Variants in ICAM5 observed in about 807,000 individuals in gnomAD.
ICAM5 encodes intercellular adhesion molecule 5, also known as ICAM-5.
In ICAM5, 38 loss-of-function variants were observed where a neutral mutation model predicts 78.8. That is an observed-to-expected ratio of 0.48 (90% CI 0.37 to 0.63). ICAM5 has a LOEUF of 0.63. Ranked by LOEUF, ICAM5 falls within the 30% of genes least tolerant of loss-of-function variation. ICAM5 has a pLI of 0.00. For synonymous variants in ICAM5, 544 were observed against 590.9 expected (o/e 0.92, Z 1.15); for missense variants, 1,059 against 1,303.0 (o/e 0.81, Z 2.88).
In ICAM5 at chr19:10,296,558, GC is replaced by G; in HGVS notation, c.2718del (p.Ala907ArgfsTer15). ...GAGGGCGGACCCGAGGCGGCGGGGGGCGCGGCCGAGTCGCCGGCGGAGGGCG... is the reference window on the plus strand; with the variant it reads ...GAGGGCGGACCCGAGGCGGCGGGGGGGCGGCCGAGTCGCCGGCGGAGGGCG... The part of the protein sequence containing the change: ...GAEGGPEAAG[G>X]AAESPAEGEV... On this transcript the variant is annotated frameshift_variant, in exon 11 of 11. Transcript: ENST00000221980. LOFTEE classifies it high-confidence loss of function. 1 of 1,219,470 alleles carries G rather than the reference GC, an allele frequency of 8.2e-7. No homozygotes were observed. Among genetic ancestry groups the G allele is most frequent in the East Asian group, 3.4e-5 (1 of 29,566 alleles). 75.5% of individuals were successfully genotyped at this position (1,219,470 alleles called of 1,614,324 possible). A position where few individuals can be genotyped will look rare whatever the true frequency, so the allele number is the denominator to read the frequency against.
chr19:10,296,572 C>T lies in ICAM5; in HGVS notation c.2731C>T (p.Pro911Ser). Reference protein sequence around the residue: ...PEAAGGAAESPAEGEVFAIQL... With the variant: ...PEAAGGAAESSAEGEVFAIQL... ...GGCGGCGGGGGGCGCGGCCGAGTCG[C>T]CGGCGGAGGGCGAGGTCTTCGCCAT... Residue 911 changes from proline (P) to serine (S), a missense_variant, in exon 11 of 11, where the codon CCG becomes TCG. Pro to Ser is a moderately conservative substitution (Grantham distance 74). Around this residue, in one of 3 missense-constraint regions of ICAM5, gnomAD observed 109 missense variants for 120.0 expected, o/e 0.91. Coordinates refer to ENST00000221980, the MANE Select transcript of ICAM5 (RefSeq NM_003259.4). 1.6e-6 allele frequency: 2 copies of T among 1,219,296 alleles called. No homozygotes were observed. The highest frequency in any genetic ancestry group is 2.1e-6 in the Non-Finnish European group (2 of 972,878). The allele number at this position is 1,219,296 out of a possible 1,614,324, so 75.5% of individuals were successfully genotyped here. A position where few individuals can be genotyped will look rare whatever the true frequency, so the allele number is the denominator to read the frequency against.
chr19:10,291,885 T>A, intron 3 of ICAM5, 76 bp downstream of exon 3: 1 of 1,521,722 alleles, frequency 6.6e-7, no homozygotes, highest in Non-Finnish European at 9.0e-7. Context: ...TAGATACATC[T>A]GAATGCTGAC....
Position 10,296,485 on chromosome 19 carries a change from G to C in ICAM5, c.2644G>C (p.Val882Leu), listed in dbSNP as rs1258819000. ...GGAGGCCGAGAGCTCAGGCGAGGCC[G>C]TGTGTCTGAACGGAGCGGGCGGCGG... Reference protein sequence around the residue: ...VQEAESSGEAVCLNGAGGGAG... With the variant: ...VQEAESSGEALCLNGAGGGAG... Residue 882 changes from valine to leucine, a missense_variant, in exon 11 of 11, where the codon GTG becomes CTG. Around this residue, in one of 3 missense-constraint regions of ICAM5, gnomAD observed 109 missense variants for 120.0 expected, o/e 0.91. Transcript: ENST00000221980. 4.7e-6 allele frequency: 6 copies of C among 1,284,102 alleles called. No homozygotes were observed. The highest frequency in any genetic ancestry group is 6.0e-6 in the Non-Finnish European group (6 of 997,424). The allele number at this position is 1,284,102 out of a possible 1,614,324, so 79.5% of individuals were successfully genotyped here. A position where few individuals can be genotyped will look rare whatever the true frequency, so the allele number is the denominator to read the frequency against.
chr19:10,296,608 T>C lies in ICAM5; in HGVS notation c.2767T>C (p.Ser923Pro), dbSNP rs2040222878. The C allele has an allele frequency of 8.3e-7, 1 of 1,211,706 alleles. No homozygotes were observed. Among genetic ancestry groups the C allele is most frequent in the Non-Finnish European group, 1.0e-6 (1 of 970,392 alleles). The allele number at this position is 1,211,706 out of a possible 1,614,324, so 75.1% of individuals were successfully genotyped here. The change falls in exon 11 of 11, where the codon TCG becomes CCG. Residue 923 changes from serine (S) to proline (P), a missense_variant. Ser to Pro is a moderately conservative substitution (Grantham distance 74). Coordinates refer to ENST00000221980, the MANE Select transcript of ICAM5 (RefSeq NM_003259.4). ...CGAGGTCTTCGCCATACAGCTGACA[T>C]CGGCGTGAGCCCGCTCCCCTCTCCC... ...EGEVFAIQLT[S>P]A
chr19:10,290,368 C>A lies in ICAM5; in HGVS notation c.82+243C>A. 2.2e-6 allele frequency: 1 copy of A among 464,186 alleles called. No homozygotes were observed. Among genetic ancestry groups the A allele is most frequent in the Non-Finnish European group, 3.8e-6 (1 of 261,790 alleles). The allele number at this position is 464,186 out of a possible 1,614,324, so 28.8% of individuals were successfully genotyped here. ...AGGTGTTCTTCCGCACCCAACCCTT[C>A]GCCCTGGAGACCCAGTGTCTCTCCT... On this transcript the variant is annotated intron_variant, in intron 1 of 10. Coordinates refer to ENST00000221980, the MANE Select transcript of ICAM5 (RefSeq NM_003259.4). The surrounding 1 kb of genome is among the most constrained non-coding windows in gnomAD (Gnocchi z 5.7).
Position 10,294,540 on chromosome 19 carries a change from T to A in ICAM5, c.2130T>A (p.Pro710=), listed in dbSNP as rs2040205115. ...VRCSREGIPW[P]EQQRVSREDA... Reference sequence around the variant, plus strand: ...GCTCTCGGGAAGGCATCCCATGGCCTGAGCAGCAGCGCGTGTCCCGAGAGG... The same window carrying A: ...GCTCTCGGGAAGGCATCCCATGGCCAGAGCAGCAGCGCGTGTCCCGAGAGG... The change falls in exon 9 of 11, where the codon CCT becomes CCA. Residue 710 remains proline (P), a synonymous_variant. Coordinates refer to ENST00000221980, the MANE Select transcript of ICAM5 (RefSeq NM_003259.4). The surrounding 1 kb of genome is among the most constrained non-coding windows in gnomAD (Gnocchi z 7.7). 6.2e-7 allele frequency: 1 copy of A among 1,607,908 alleles called. No homozygotes were observed. Among genetic ancestry groups the A allele is most frequent in the South Asian group, 1.1e-5 (1 of 90,008 alleles).
rs115870389 is a variant in ICAM5 at position 10,291,754 on chromosome 19, G to T, written c.618G>T (p.Pro206=). Residue 206 remains proline (P), a synonymous_variant, in exon 3 of 11, where the codon CCG becomes CCT. Coordinates refer to ENST00000221980, the MANE Select transcript of ICAM5 (RefSeq NM_003259.4). ...GTCGCGCCGAGCTGGACCTGCGGCC[G>T]CACGGACTGGGACTGTTTGAAAACA... ...FSCRAELDLR[P]HGLGLFENSS... is the part of the protein sequence containing the mutation. 0.04 allele frequency: 64,752 copies of T among 1,612,778 alleles called. 1,498 individuals are homozygous for T. The highest frequency in any genetic ancestry group is 0.043 in the Non-Finnish European group (51,077 of 1,179,980).
chr19:10,293,308 C>T lies in ICAM5; in HGVS notation c.1465+62C>T. ...TCAAGGTCTGGAGGGTGGCCAGCCT[C>T]CAGGGAAGAGTAGGAGTAGGGTATG... On this transcript the variant is annotated intron_variant, in intron 6 of 10. Coordinates refer to ENST00000221980, the MANE Select transcript of ICAM5 (RefSeq NM_003259.4). This position sits in a 1 kb window ranked among gnomAD's most constrained non-coding sequence, Gnocchi z 5.0. The T allele has an allele frequency of 6.6e-7, 1 of 1,519,802 alleles. No homozygotes were observed. Among genetic ancestry groups the T allele is most frequent in the South Asian group, 1.3e-5 (1 of 76,992 alleles). The allele number at this position is 1,519,802 out of a possible 1,614,324, so 94.1% of individuals were successfully genotyped here. A position where few individuals can be genotyped will look rare whatever the true frequency, so the allele number is the denominator to read the frequency against.
In ICAM5 at chr19:10,292,095, G is replaced by A. The variant is rs1282263075; in HGVS notation, c.734G>A (p.Arg245Lys). The A allele has an allele frequency of 1.9e-6, 3 of 1,613,232 alleles. No individual in the cohort carries two copies. Among genetic ancestry groups the A allele is most frequent in the Non-Finnish European group, 2.5e-6 (3 of 1,179,880 alleles). The change falls in exon 4 of 11, where the codon AGG becomes AAG. Residue 245 changes from arginine (R) to lysine (K), a missense_variant. By Grantham distance (26) the Arg-to-Lys change is conservative (BLOSUM62 2). Coordinates refer to ENST00000221980, the MANE Select transcript of ICAM5 (RefSeq NM_003259.4). ...APRLLEVGSE[R>K]PVSCTLDGLF... Reference sequence around the variant, plus strand: ...CGGCTCTTGGAAGTTGGCTCGGAAAGGCCCGTGAGCTGCACTCTGGACGGA... The same window carrying A: ...CGGCTCTTGGAAGTTGGCTCGGAAAAGCCCGTGAGCTGCACTCTGGACGGA...
chr19:10,291,241 G>A lies in ICAM5; in HGVS notation c.252G>A (p.Ala84=), dbSNP rs756477605. 1 of 1,612,360 alleles carries A rather than the reference G, an allele frequency of 6.2e-7. No individual in the cohort carries two copies. Among genetic ancestry groups the A allele is most frequent in the Non-Finnish European group, 8.5e-7 (1 of 1,179,910 alleles). ...NGTQRGLRWL[A]RQLVDIREPE... The stretch of plus-strand genomic sequence containing the variant: ...CCCAGAGGGGTTTGCGTTGGTTGGC[G>A]CGGCAGCTGGTGGACATTCGCGAGC... The change falls in exon 2 of 11, where the codon GCG becomes GCA. Residue 84 remains alanine, a synonymous_variant. Transcript: ENST00000221980.
At chr19:10,295,647 T>C (rs1420171072) in intron 10 of ICAM5, 35 bp downstream of exon 10, 1 of 1,522,184 alleles carries the variant, frequency 6.6e-7, no homozygotes, top group Non-Finnish European at 8.8e-7. Flanking sequence ...GGGCGAGGTA[T>C]CTGAGAGGGG....
Position 10,294,172 on chromosome 19 carries a change from C to G in ICAM5, c.1844C>G (p.Thr615Ser). The G allele has an allele frequency of 6.2e-7, 1 of 1,613,608 alleles. No individual in the cohort carries two copies. Among genetic ancestry groups the G allele is most frequent in the Non-Finnish European group, 8.5e-7 (1 of 1,179,908 alleles). The change falls in exon 8 of 11, where the codon ACT (threonine) becomes AGT (serine). Residue 615 changes from threonine (T) to serine (S), a missense_variant. Around this residue, in one of 3 missense-constraint regions of ICAM5, gnomAD observed 815 missense variants for 952.8 expected, o/e 0.86. Transcript: ENST00000221980. The surrounding 1 kb of genome is among the most constrained non-coding windows in gnomAD (Gnocchi z 7.7). ...AAGTGCGTGGGCTCCGGGGGCGCCA[C>G]TGAGGGGGTGCTGCTGCCGCTGGCA... Reference protein sequence around the residue: ...SVKCVGSGGATEGVLLPLAPP... With the variant: ...SVKCVGSGGASEGVLLPLAPP...
At chr19:10,291,011 T>C in intron 1 of ICAM5, 61 bp from the exon 2 acceptor site, 3 of 1,533,858 alleles carry the variant, frequency 2.0e-6, no homozygotes, top group Non-Finnish European at 2.6e-6. Context: ...TGACTCGACA[T>C]AGGGGCGCTA....
rs1196382197 is a variant in ICAM5 at position 10,294,283 on chromosome 19, G to C, written c.1955G>C (p.Gly652Ala). 6.2e-7 allele frequency: 1 copy of C among 1,613,432 alleles called. No individual in the cohort carries two copies. The highest frequency in any genetic ancestry group is 2.2e-5 in the East Asian group (1 of 44,872). ...GTCTGCAACGCCACCAACCGCCACG[G>C]CTCCGTGGCCAAAACAGTCGTCGTG... ...IYVCNATNRH[G>A]SVAKTVVVSA... Residue 652 changes from glycine to alanine, a missense_variant, in exon 8 of 11, where the codon GGC becomes GCC. This residue lies in a region of ICAM5 where 815 missense variants were observed against 952.8 expected (regional missense o/e 0.86). Transcript: ENST00000221980. The surrounding 1 kb of genome is among the most constrained non-coding windows in gnomAD (Gnocchi z 7.7).
Position 10,294,292 on chromosome 19 carries a change from C to G in ICAM5, c.1964C>G (p.Ala655Gly). The change falls in exon 8 of 11, where the codon GCC becomes GGC. Residue 655 changes from alanine (A) to glycine (G), a missense_variant. By Grantham distance (60) the Ala-to-Gly change is moderately conservative. Transcript: ENST00000221980. The surrounding 1 kb of genome is among the most constrained non-coding windows in gnomAD (Gnocchi z 7.7). The part of the protein sequence containing the change: ...CNATNRHGSV[A>G]KTVVVSAESP... The stretch of plus-strand genomic sequence containing the variant: ...GCCACCAACCGCCACGGCTCCGTGG[C>G]CAAAACAGTCGTCGTGAGCGCGGAG... 1 of 1,613,166 alleles carries G rather than the reference C, an allele frequency of 6.2e-7. No homozygotes were observed. The highest frequency in any genetic ancestry group is 1.1e-5 in the South Asian group (1 of 91,036).
chr19:10,291,539 G>C lies in ICAM5; in HGVS notation c.403G>C (p.Gly135Arg), dbSNP rs769545435. The C allele has an allele frequency of 1.7e-5, 27 of 1,612,492 alleles. No individual in the cohort carries two copies. Reference protein sequence around the residue: ...LMPLPPWQPVGENFTLSCRVP... With the variant: ...LMPLPPWQPVRENFTLSCRVP... ...GCCGCTGCCTCCCTGGCAGCCGGTG[G>C]GCGAGAACTTCACCCTGAGCTGTAG... Residue 135 changes from glycine (G) to arginine (R), a missense_variant, in exon 3 of 11, where the codon GGC becomes CGC. By Grantham distance (125) the Gly-to-Arg change is moderately radical. Coordinates refer to ENST00000221980, the MANE Select transcript of ICAM5 (RefSeq NM_003259.4).
At position 10,294,076 on chromosome 19, in the gene ICAM5, A is replaced by G. The variant is rs2040199953; in HGVS notation, c.1748A>G (p.Asn583Ser). 1 of 1,585,582 alleles carries G rather than the reference A, an allele frequency of 6.3e-7. No individual in the cohort carries two copies. The highest frequency in any genetic ancestry group is 8.6e-7 in the Non-Finnish European group (1 of 1,164,574). ...TTTGAGGAGCCGAGCTGCCCCAGCA[A>G]TTGGACATGGGTGGAAGGATCTGGG... ...PRFEEPSCPS[N>S]WTWVEGSGRL... The change falls in exon 8 of 11, where the codon AAT becomes AGT. Residue 583 changes from asparagine (N) to serine (S), a missense_variant. Physicochemically the swap from Asn to Ser is conservative, Grantham distance 46. This residue lies in a region of ICAM5 where 815 missense variants were observed against 952.8 expected (regional missense o/e 0.86). Transcript: ENST00000221980. The surrounding 1 kb of genome is among the most constrained non-coding windows in gnomAD (Gnocchi z 7.7).
Position 10,293,070 on chromosome 19 carries a change from G to C in ICAM5, c.1289G>C (p.Arg430Pro). The C allele has an allele frequency of 1.9e-6, 3 of 1,610,318 alleles. No homozygotes were observed. The highest frequency in any genetic ancestry group is 3.3e-5 in the Admixed American group (2 of 59,878). ...CCCGAGGGCCCAGAGCAGACGCTGC[G>C]CTGCGAGGCCCGCGGGAACCCAGAA... ...TWPEGPEQTLRCEARGNPEPS... is the reference protein window; with the variant it reads ...TWPEGPEQTLPCEARGNPEPS... Residue 430 changes from arginine (R) to proline (P), a missense_variant, in exon 6 of 11, where the codon CGC becomes CCC. Around this residue, in one of 3 missense-constraint regions of ICAM5, gnomAD observed 815 missense variants for 952.8 expected, o/e 0.86. Transcript: ENST00000221980. This position sits in a 1 kb window ranked among gnomAD's most constrained non-coding sequence, Gnocchi z 5.0.
rs2040190764 is a variant in ICAM5 at position 10,293,197 on chromosome 19, G to C, written c.1416G>C (p.Ala472=). 1 of 1,608,420 alleles carries C rather than the reference G, an allele frequency of 6.2e-7. No homozygotes were observed. The highest frequency in any genetic ancestry group is 8.5e-7 in the Non-Finnish European group (1 of 1,177,654). ...RALSGTYRCK[A]ANDQGEAVKD... ...TCTCAGGCACTTACCGCTGCAAGGCGGCCAATGATCAAGGCGAGGCGGTCA... is the reference window on the plus strand; with the variant it reads ...TCTCAGGCACTTACCGCTGCAAGGCCGCCAATGATCAAGGCGAGGCGGTCA... Residue 472 remains alanine (A), a synonymous_variant, in exon 6 of 11, where the codon GCG becomes GCC. Coordinates refer to ENST00000221980, the MANE Select transcript of ICAM5 (RefSeq NM_003259.4). This position sits in a 1 kb window ranked among gnomAD's most constrained non-coding sequence, Gnocchi z 5.0.
Sources: gnomAD v4.1 joint callset for allele counts on GRCh38, gnomAD v4.1.1 for gene constraint, gnomAD v4.1.1 regional missense constraint, Gnocchi (gnomAD v3.1) non-coding constraint, MANE v1.5 for transcripts, NCBI Gene and HGNC (gene_info 2026-07-23, HGNC 2026-07-21) for gene names.